The following ABCA3 variants were observed in gnomAD, a reference collection of about 807,000 sequenced individuals.
The protein encoded by ABCA3 is phospholipid-transporting ATPase ABCA3.
ABCA3 carries 88 observed loss-of-function variants against 172.8 expected under a neutral mutation model. The observed-to-expected ratio is 0.51, with a 90% CI of 0.43 to 0.61. The LOEUF (loss-of-function observed/expected upper bound fraction) is 0.61, where lower values mean the gene tolerates loss of function less well. ABCA3 is among the 20% of genes least tolerant of loss of function. The probability of loss-of-function intolerance (pLI) is 0.00; values close to 1 mark genes in which losing one functional copy is unlikely to be tolerated. For missense variants in ABCA3, 2,164 were observed against 2,301.0 expected, an observed-to-expected ratio of 0.94 and a Z score of 1.22; for synonymous variants, 1,066 against 983.8, an observed-to-expected ratio of 1.08 and a Z score of -1.56.
intron 26 of ABCA3, among the ~76,000 whole-genome samples, chr16:2,282,540 C>A (rs2093656745): frequency 6.6e-6 from 1 of 152,238 alleles, no homozygotes; most frequent in African/African-American, 2.4e-5. Context: ...GGGATGGAGA[C>A]CTGAGAAAAT....
At chr16:2,315,155 T>C (rs1291866338) in intron 10 of ABCA3, among the ~76,000 whole-genome samples, 1 of 150,792 alleles carries the variant, frequency 6.6e-6, no homozygotes, top group African/African-American at 2.4e-5. Flanking sequence ...ATTGCTGGGA[T>C]TACAGGCGTG....
At chr16:2,328,194 T>C (rs2141743387) in intron 3 of ABCA3, among the ~76,000 whole-genome samples, 1 of 152,288 alleles carries the variant, frequency 6.6e-6, no homozygotes, top group South Asian at 2.1e-4. Context: ...TGTAAAGGTA[T>C]TCCCTCAATT....
intron 19 of ABCA3, among the ~76,000 whole-genome samples, chr16:2,291,830 T>C (rs1219761314): frequency 6.6e-6 from 1 of 150,540 alleles, no homozygotes; most frequent in Admixed American, 6.6e-5. Context: ...TACCAGCACT[T>C]TGGGAGGCCA....
chr16:2,338,921 AT>A (rs1466909873), intron 1 of ABCA3, among the ~76,000 whole-genome samples: 1 of 151,684 alleles, frequency 6.6e-6, no homozygotes, highest in Admixed American at 6.6e-5. Context: ...TGCCCGGCTA[AT>A]TTTTTATATT....
At chr16:2,314,536 G>A (rs940365657) in intron 10 of ABCA3, among the ~76,000 whole-genome samples, 3 of 151,912 alleles carry the variant, frequency 2.0e-5, no homozygotes, top group African/African-American at 4.8e-5. Context: ...GGACATGGGG[G>A]TGGGTGCACA....
chr16:2,305,131 T>A (rs2093695584), intron 11 of ABCA3, among the ~76,000 whole-genome samples: 1 of 150,624 alleles, frequency 6.6e-6, no homozygotes, highest in Admixed American at 6.6e-5. Flanking sequence ...TCTTTATTTG[T>A]TTATTATTTT....
At chr16:2,303,624 A>C (rs1266440608) in intron 12 of ABCA3, among the ~76,000 whole-genome samples, 2 of 152,176 alleles carry the variant, frequency 1.3e-5, no homozygotes, top group East Asian at 3.9e-4. Context: ...ACCCAATAAG[A>C]TACTTTTCAC....
chr16:2,284,503 TG>T lies in ABCA3; in HGVS notation c.3704-67del. The stretch of plus-strand genomic sequence containing the variant: ...ACCACACCCACCTCCAGGACGGGCC[TG>T]GTCAGGGCGGGCACAGGGCCTTATC... On this transcript the variant is annotated intron_variant, in intron 24 of 32. Coordinates refer to ENST00000301732, the MANE Select transcript of ABCA3 (RefSeq NM_001089.3). This position sits in a 1 kb window ranked among gnomAD's most constrained non-coding sequence, Gnocchi z 5.9. 6.2e-7 allele frequency: 1 copy of T among 1,600,124 alleles called. No individual in the cohort carries two copies. Among genetic ancestry groups the T allele is most frequent in the Non-Finnish European group, 8.6e-7 (1 of 1,169,202 alleles).
At chr16:2,298,119 T>C (rs2093683000) in intron 15 of ABCA3, among the ~76,000 whole-genome samples, 198 bp from the exon 16 acceptor site, 1 of 128,116 alleles carries the variant, frequency 7.8e-6, no homozygotes, top group Non-Finnish European at 1.7e-5. Context: ...GCAGGGCTCC[T>C]GGCGGGAGGC....
At chr16:2,318,089 G>A (rs528595717) in intron 8 of ABCA3, among the ~76,000 whole-genome samples, 3 of 152,342 alleles carry the variant, frequency 2.0e-5, no homozygotes, top group Non-Finnish European at 2.9e-5. Context: ...TACGTCAGGC[G>A]GCAGGAGCCC....
intron 10 of ABCA3, among the ~76,000 whole-genome samples, chr16:2,316,839 A>G (rs973402658): frequency 1.3e-5 from 2 of 152,148 alleles, no homozygotes; most frequent in African/African-American, 2.4e-5. Flanking sequence ...AAAAAAGAGA[A>G]ACACAACTTA....
At chr16:2,307,569 A>G (rs749725576) in intron 11 of ABCA3, among the ~76,000 whole-genome samples, 7 of 152,136 alleles carry the variant, frequency 4.6e-5, no homozygotes, top group Non-Finnish European at 1.0e-4. Context: ...AAAAAGAAAA[A>G]AAGTCCTCAA....
intron 18 of ABCA3, 26 bp from the exon 19 acceptor site, chr16:2,292,264 GT>G: frequency 6.3e-7 from 1 of 1,581,444 alleles, no homozygotes; most frequent in Non-Finnish European, 8.7e-7. Flanking sequence ...AGCATTATGA[GT>G]CACTTCTCAG....
intron 12 of ABCA3, among the ~76,000 whole-genome samples, chr16:2,301,066 T>TA (rs1468882097): frequency 9.3e-5 from 14 of 150,964 alleles, no homozygotes; most frequent in Non-Finnish European, 1.2e-4. Flanking sequence ...CCGTCTCTAC[T>TA]AAAAATACAA....
chr16:2,318,631 G>A (rs2093720533), intron 8 of ABCA3, among the ~76,000 whole-genome samples: 1 of 151,736 alleles, frequency 6.6e-6, no homozygotes, highest in African/African-American at 2.4e-5. Flanking sequence ...TCGTGCCTCA[G>A]CCTCCCAAGC....
At chr16:2,334,444 C>G (rs191505488) in intron 1 of ABCA3, among the ~76,000 whole-genome samples, 17 of 151,766 alleles carry the variant, frequency 1.1e-4, no homozygotes, top group African/African-American at 4.1e-4. Context: ...TTTTGAGAGA[C>G]GGGTACACAG....
intron 1 of ABCA3, among the ~76,000 whole-genome samples, chr16:2,338,042 C>T (rs1047417112): frequency 3.9e-5 from 6 of 152,210 alleles, no homozygotes; most frequent in African/African-American, 1.2e-4. Context: ...GCTTCAGTCC[C>T]GTTCTCCAGC....
In ABCA3 at chr16:2,277,016, G is replaced by A. The variant is rs548534513; in HGVS notation, c.4984-211C>T. ...CTAAGCAGGAGCCAGCGGGGATGGGGCCCAGCCTCCTCCCTGTGCTGTTCC... is the reference window on the plus strand; with the variant it reads ...CTAAGCAGGAGCCAGCGGGGATGGGACCCAGCCTCCTCCCTGTGCTGTTCC... On this transcript the variant is annotated intron_variant, in intron 32 of 32. Coordinates refer to ENST00000301732, the MANE Select transcript of ABCA3 (RefSeq NM_001089.3). The surrounding 1 kb of genome is among the most constrained non-coding windows in gnomAD (Gnocchi z 5.3). Among the ~76,000 whole-genome samples the A allele has an allele frequency of 2.4e-4, 36 of 152,324 alleles. No individual in the cohort carries two copies. The highest frequency in any genetic ancestry group is 8.2e-4 in the African/African-American group (34 of 41,578).
chr16:2,327,196 C>T (rs1479823381), intron 3 of ABCA3, among the ~76,000 whole-genome samples: 1 of 152,068 alleles, frequency 6.6e-6, no homozygotes, highest in Non-Finnish European at 1.5e-5. Flanking sequence ...CTCACTGCAG[C>T]CTCAACCTCC....
Sources: gnomAD v4.1 joint callset for allele counts (sites outside exome capture counted in the v4.1 genomes callset) on GRCh38, gnomAD v4.1.1 for gene constraint, Gnocchi (gnomAD v3.1) non-coding constraint, MANE v1.5 for transcripts, NCBI Gene and HGNC (gene_info 2026-07-23, HGNC 2026-07-21) for gene names.